TRAK1: variants seen among roughly 807,000 people sequenced by gnomAD.
The protein encoded by TRAK1 is trafficking kinesin-binding protein 1.
Under a neutral mutation model 92.1 loss-of-function variants are expected in TRAK1, and 33 were observed. The ratio of observed to expected loss-of-function variants is 0.36; its 90% CI spans 0.27 to 0.48. The LOEUF (loss-of-function observed/expected upper bound fraction) is 0.48, where lower values mean the gene tolerates loss of function less well. Ranked by LOEUF, TRAK1 falls within the 20% of genes least tolerant of loss-of-function variation. TRAK1 has a pLI of 0.99. For synonymous variants in TRAK1, 521 were observed against 517.3 expected, an observed-to-expected ratio of 1.01 and a Z score of -0.10; for missense variants, 1,123 against 1,257.9, an observed-to-expected ratio of 0.89 and a Z score of 1.62.
chr3:42,141,892 T>G (rs1698706642), intron 2 of TRAK1, among the ~76,000 whole-genome samples: 1 of 152,046 alleles, frequency 6.6e-6, no homozygotes. Context: ...TCCCAGCACT[T>G]TGGGAGGCCG....
At chr3:42,101,159 TCTC>T (rs1315461419) in intron 1 of TRAK1, among the ~76,000 whole-genome samples, 1 of 152,154 alleles carries the variant, frequency 6.6e-6, no homozygotes, top group Non-Finnish European at 1.5e-5. Context: ...AAGGACATGT[TCTC>T]CTCTGGGCAG....
chr3:42,022,376 G>A (rs1248574606), intron 1 of TRAK1, among the ~76,000 whole-genome samples: 1 of 152,190 alleles, frequency 6.6e-6, no homozygotes, highest in African/African-American at 2.4e-5. Context: ...AACGTTGACT[G>A]CTGCAGTAGA....
At chr3:42,132,592 GT>G (rs1050286446) in intron 2 of TRAK1, among the ~76,000 whole-genome samples, 3 of 151,904 alleles carry the variant, frequency 2.0e-5, no homozygotes, top group Non-Finnish European at 2.9e-5. Flanking sequence ...ATTTTATATT[GT>G]TTTTTTCCCC....
At chr3:42,095,333 GT>G (rs1210508572) in intron 1 of TRAK1, among the ~76,000 whole-genome samples, 1 of 152,144 alleles carries the variant, frequency 6.6e-6, no homozygotes, top group Non-Finnish European at 1.5e-5. Flanking sequence ...GATCCTTGAG[GT>G]TTAGACCCGG....
At chr3:42,121,284 G>A (rs1709819838) in intron 1 of TRAK1, among the ~76,000 whole-genome samples, 3 of 148,662 alleles carry the variant, frequency 2.0e-5, no homozygotes, top group Admixed American at 2.0e-4. Context: ...TTTTGAGACG[G>A]AGTCTTGCTG....
In TRAK1 at chr3:42,193,071, A is replaced by G; in HGVS notation, c.770-4A>G. ...CTCTCCTGATTGTTGCTTCTTTGTC[A>G]AAGGGGATGCCAATGTCCAGATTGC... On this transcript the variant is annotated splice_region_variant and splice_polypyrimidine_tract_variant and intron_variant, in intron 7 of 15. Transcript: ENST00000327628. 2 of 1,613,672 alleles carry G rather than the reference A, an allele frequency of 1.2e-6. No homozygotes were observed. The highest frequency in any genetic ancestry group is 1.7e-6 in the Non-Finnish European group (2 of 1,179,856).
chr3:42,169,140 TTC>T (rs2149333902), intron 2 of TRAK1, among the ~76,000 whole-genome samples: 1 of 64,912 alleles, frequency 1.5e-5, no homozygotes, highest in Admixed American at 1.8e-4. Context: ...TCTATTTTCT[TTC>T]TTTCTTTTTT....
chr3:42,165,356 CAGT>C (rs1024807131), intron 2 of TRAK1, among the ~76,000 whole-genome samples: 56 of 152,160 alleles, frequency 3.7e-4, no homozygotes, highest in African/African-American at 1.3e-3. Context: ...AAATGCCAGT[CAGT>C]GGTGGGAACC....
chr3:42,064,402 A>G (rs1703586004), intron 1 of TRAK1, among the ~76,000 whole-genome samples: 1 of 152,070 alleles, frequency 6.6e-6, no homozygotes. Flanking sequence ...GAATTCTCTT[A>G]CAGTCTGATG....
At chr3:42,142,133 AAAAAC>A (rs1173271063) in intron 2 of TRAK1, among the ~76,000 whole-genome samples, 1 of 152,160 alleles carries the variant, frequency 6.6e-6, no homozygotes, top group Non-Finnish European at 1.5e-5. Context: ...CTCTGTCTTA[AAAAAC>A]AAAACAAAAC....
intron 2 of TRAK1, among the ~76,000 whole-genome samples, chr3:42,161,437 T>C (rs1701262260): frequency 6.6e-6 from 1 of 152,110 alleles, no homozygotes; most frequent in South Asian, 2.1e-4. Context: ...GGTGCAGCAG[T>C]GTTATCCTGG....
intron 1 of TRAK1, among the ~76,000 whole-genome samples, chr3:42,107,260 A>T (rs1707691335): frequency 1.3e-5 from 2 of 152,218 alleles, no homozygotes; most frequent in African/African-American, 4.8e-5. Flanking sequence ...TTATGCCTGT[A>T]ATCCCAGCAC....
chr3:42,097,652 A>G (rs888382028), intron 1 of TRAK1, among the ~76,000 whole-genome samples: 1 of 152,184 alleles, frequency 6.6e-6, no homozygotes, highest in African/African-American at 2.4e-5. Context: ...TACTATTTAT[A>G]TCCTATTTTT....
Position 42,060,673 on chromosome 3 carries a change from G to A in TRAK1, c.-518-26431G>A, listed in dbSNP as rs185870141. On this transcript the variant is annotated intron_variant, in intron 1 of 16. Transcript: ENST00000487159. Reference sequence around the variant, plus strand: ...ACGGAGTTTTGCTCTTGTTGTCCAGGCTGGAGTGCAGTGGTGCGATCTCTA... The same window carrying A: ...ACGGAGTTTTGCTCTTGTTGTCCAGACTGGAGTGCAGTGGTGCGATCTCTA... Among the ~76,000 whole-genome samples the A allele has an allele frequency of 2.0e-3, 294 of 148,470 alleles. 1 individual carries two copies. Among genetic ancestry groups the A allele is most frequent in the African/African-American group, 6.9e-3 (276 of 39,916 alleles).
upstream of TRAK1, chr3:42,087,536 A>G (rs1425921345): frequency 6.6e-6 from 1 of 152,564 alleles, no homozygotes; most frequent in African/African-American, 2.4e-5. Context: ...AAAGACTCTG[A>G]GCTTTCGGAT....
chr3:42,162,542 G>C (rs1183785939), intron 2 of TRAK1, among the ~76,000 whole-genome samples: 1 of 152,188 alleles, frequency 6.6e-6, no homozygotes, highest in African/African-American at 2.4e-5. Flanking sequence ...GTGTGACACA[G>C]AAGGTGGGGG....
chr3:42,119,576 G>T (rs1382841826), intron 1 of TRAK1, among the ~76,000 whole-genome samples: 2 of 152,200 alleles, frequency 1.3e-5, no homozygotes, highest in African/African-American at 2.4e-5. Flanking sequence ...AGGAGGTCCA[G>T]GGTGTTTCAG....
At chr3:42,056,077 T>C (rs1576197889) in intron 1 of TRAK1, among the ~76,000 whole-genome samples, 1 of 152,276 alleles carries the variant, frequency 6.6e-6, no homozygotes, top group South Asian at 2.1e-4. Context: ...GTTTATCCTT[T>C]CATTAGTTGG....
At chr3:42,054,121 G>A (rs1428389966) in intron 1 of TRAK1, among the ~76,000 whole-genome samples, 1 of 152,122 alleles carries the variant, frequency 6.6e-6, no homozygotes, top group East Asian at 1.9e-4. Context: ...TAACATTTGA[G>A]TATGTATCTG....
Sources: gnomAD v4.1 joint callset for allele counts (sites outside exome capture counted in the v4.1 genomes callset) on GRCh38, gnomAD v4.1.1 for gene constraint, MANE v1.5 for transcripts, NCBI Gene and HGNC (gene_info 2026-07-23, HGNC 2026-07-21) for gene names.